Variants in CSMD2 observed in about 807,000 individuals in gnomAD.
CSMD2 encodes CUB and sushi domain-containing protein 2.
CSMD2 carries 130 observed loss-of-function variants against 398.5 expected under a neutral mutation model. The observed-to-expected ratio is 0.33, with a 90% confidence interval of 0.28 to 0.38. The LOEUF (loss-of-function observed/expected upper bound fraction) is 0.38. Ranked by LOEUF, CSMD2 falls within the 10% of genes least tolerant of loss-of-function variation. CSMD2 has a pLI of 1.00. For missense variants in CSMD2, 3,829 were observed against 4,764.9 expected (o/e 0.80, Z 5.78); for synonymous variants, 1,828 against 1,908.5 (o/e 0.96, Z 1.10).
chr1:33,706,823 C>T (rs1024166065), intron 22 of CSMD2, among the ~76,000 whole-genome samples: 8 of 150,680 alleles, frequency 5.3e-5, no homozygotes, highest in African/African-American at 1.7e-4. Flanking sequence ...TTTGTGCGTG[C>T]GTGTGTATGT....
At chr1:33,883,756 C>A (rs764011175) in intron 5 of CSMD2, among the ~76,000 whole-genome samples, 1 of 152,188 alleles carries the variant, frequency 6.6e-6, no homozygotes, top group African/African-American at 2.4e-5. Context: ...AATTGGGAAA[C>A]AAGGCCCCAC....
In CSMD2 at chr1:33,514,388, G is replaced by C. The variant is rs1208244733; in HGVS notation, c.*2236C>G. On this transcript the variant is annotated 3_prime_UTR_variant, in exon 71 of 71. Coordinates refer to ENST00000373381, the MANE Select transcript of CSMD2 (RefSeq NM_001281956.2). Reference sequence around the variant, plus strand: ...TTTACTTTTTTTTTTTTCCTCATGGGATGGTGATGGGTATATGGCGTAGAT... The same window carrying C: ...TTTACTTTTTTTTTTTTCCTCATGGCATGGTGATGGGTATATGGCGTAGAT... 6.6e-6 allele frequency: 1 copy of C among 150,658 alleles called. No individual in the cohort carries two copies. The highest frequency in any genetic ancestry group is 1.5e-5 in the Non-Finnish European group (1 of 67,704). 9.3% of individuals were successfully genotyped at this position (150,658 alleles called of 1,614,324 possible).
intron 3 of CSMD2, among the ~76,000 whole-genome samples, chr1:34,016,768 T>C (rs1648173965): frequency 6.6e-6 from 1 of 151,412 alleles, no homozygotes; most frequent in African/African-American, 2.4e-5. Flanking sequence ...GAAATATATG[T>C]ATTTAGTTTA....
At chr1:33,752,407 T>C (rs1401263306) in intron 13 of CSMD2, among the ~76,000 whole-genome samples, 1 of 152,178 alleles carries the variant, frequency 6.6e-6, no homozygotes, top group African/African-American at 2.4e-5. Flanking sequence ...TACCATATGA[T>C]ACGCTGGCTC....
chr1:33,695,527 G>C (rs146683320), intron 24 of CSMD2, among the ~76,000 whole-genome samples: 1 of 152,070 alleles, frequency 6.6e-6, no homozygotes, highest in Non-Finnish European at 1.5e-5. Flanking sequence ...CTTCCTCCCC[G>C]ACATCTAATC....
At chr1:33,545,453 C>T (rs1438714429) in intron 57 of CSMD2, among the ~76,000 whole-genome samples, 1 of 152,212 alleles carries the variant, frequency 6.6e-6, no homozygotes, top group Non-Finnish European at 1.5e-5. Flanking sequence ...TTCCCTTAGA[C>T]TGTAAGCCCC....
intron 4 of CSMD2, among the ~76,000 whole-genome samples, chr1:33,931,016 C>T (rs553180863): frequency 2.0e-5 from 3 of 152,348 alleles, no homozygotes; most frequent in South Asian, 2.1e-4. Flanking sequence ...CAGTCTGCTC[C>T]GGGAAGCTTT....
At chr1:33,674,199 T>A (rs1319939133) in intron 25 of CSMD2, among the ~76,000 whole-genome samples, 2 of 152,184 alleles carry the variant, frequency 1.3e-5, no homozygotes, top group Non-Finnish European at 2.9e-5. Context: ...CAGTGTGCTG[T>A]ATTCAGGAAA....
chr1:33,952,555 A>G (rs904442386), intron 3 of CSMD2, among the ~76,000 whole-genome samples: 7 of 152,148 alleles, frequency 4.6e-5, no homozygotes, highest in African/African-American at 1.7e-4. Flanking sequence ...TTATACCTTC[A>G]GACATTTAAT....
intron 26 of CSMD2, among the ~76,000 whole-genome samples, chr1:33,660,230 T>A (rs139089974): frequency 4.6e-5 from 7 of 152,330 alleles, no homozygotes; most frequent in Non-Finnish European, 1.0e-4. Flanking sequence ...GTGCCCATAC[T>A]GTAAGGGTTT....
intron 1 of CSMD2, among the ~76,000 whole-genome samples, chr1:34,108,369 G>T (rs560884405): frequency 1.2e-4 from 18 of 152,300 alleles, no homozygotes; most frequent in Admixed American, 7.8e-4. Flanking sequence ...CTAGCAAGGG[G>T]TATGGTCAAG....
At chr1:33,968,752 C>A (rs1645650235) in intron 3 of CSMD2, among the ~76,000 whole-genome samples, 1 of 152,202 alleles carries the variant, frequency 6.6e-6, no homozygotes, top group Non-Finnish European at 1.5e-5. Flanking sequence ...CAAGGCCATA[C>A]CCAGAATCCT....
chr1:33,522,995 A>G (rs1005319894), intron 67 of CSMD2, among the ~76,000 whole-genome samples: 3 of 152,156 alleles, frequency 2.0e-5, no homozygotes, highest in Admixed American at 2.0e-4. Context: ...CACCACATTA[A>G]TACCTTCAAC....
At chr1:33,835,976 T>C (rs2125051154) in intron 6 of CSMD2, among the ~76,000 whole-genome samples, 2 of 152,328 alleles carry the variant, frequency 1.3e-5, no homozygotes, top group Non-Finnish European at 2.9e-5. Flanking sequence ...GCTCTGTTTT[T>C]TCCCCATCTT....
intron 62 of CSMD2, among the ~76,000 whole-genome samples, chr1:33,536,508 C>T (rs1223682853): frequency 6.6e-6 from 1 of 152,256 alleles, no homozygotes; most frequent in Non-Finnish European, 1.5e-5. Context: ...CAGGCGTGAG[C>T]CACCGCACCC....
chr1:33,743,555 T>C lies in CSMD2; in HGVS notation c.1898A>G (p.Asn633Ser), dbSNP rs761181438. Residue 633 changes from asparagine (N) to serine (S), a missense_variant, in exon 14 of 71, where the codon AAC becomes AGC. Transcript: ENST00000373381. ...TSPSGVVLSP[N>S]YPEDYGNHLH... ...GTGGTTGCCATAGTCCTCTGGGTAGTTGGGAGACAGGACAACCCCAGACGG... is the reference window on the plus strand; with the variant it reads ...GTGGTTGCCATAGTCCTCTGGGTAGCTGGGAGACAGGACAACCCCAGACGG... The C allele has an allele frequency of 3.1e-6, 5 of 1,612,610 alleles. No homozygotes were observed. The highest frequency in any genetic ancestry group is 2.2e-5 in the South Asian group (2 of 90,976).
At chr1:33,771,832 C>T (rs1216988670) in intron 13 of CSMD2, among the ~76,000 whole-genome samples, 8 of 152,170 alleles carry the variant, frequency 5.3e-5, no homozygotes. Flanking sequence ...ACGTAACAGC[C>T]CAGAGAAGCT....
At chr1:33,641,594 A>G (rs185787615) in intron 29 of CSMD2, among the ~76,000 whole-genome samples, 64 of 152,316 alleles carry the variant, frequency 4.2e-4, no homozygotes, top group African/African-American at 1.4e-3. Context: ...CCTCTGATCA[A>G]TGGTCTAATA....
At chr1:33,717,897 T>A (rs1389698714) in intron 19 of CSMD2, among the ~76,000 whole-genome samples, 1 of 152,076 alleles carries the variant, frequency 6.6e-6, no homozygotes, top group Non-Finnish European at 1.5e-5. Flanking sequence ...GAGCATAAAA[T>A]AAAATCAAAG....
Sources: allele counts gnomAD v4.1 joint callset (sites outside exome capture counted in the v4.1 genomes callset), GRCh38; gene constraint gnomAD v4.1.1; transcripts MANE v1.5; gene names NCBI Gene and HGNC (gene_info 2026-07-23, HGNC 2026-07-21).